The following ADCY8 variants were observed in gnomAD, a reference collection of about 807,000 sequenced individuals.
ADCY8 encodes the protein adenylate cyclase 8.
A neutral mutation model predicts 119.7 loss-of-function variants in ADCY8; 51 were observed. The observed-to-expected ratio is 0.43, with a 90% CI of 0.34 to 0.54. The LOEUF is 0.54. Ranked by LOEUF, ADCY8 falls within the 20% of genes least tolerant of loss-of-function variation. The pLI is 0.03. For synonymous variants in ADCY8, 665 were observed against 651.0 expected (o/e 1.02, Z -0.33); for missense variants, 1,383 against 1,598.8 (o/e 0.87, Z 2.30).
In ADCY8 at chr8:131,025,943, A is replaced by G. The variant is rs961076344; in HGVS notation, c.960+13431T>C. The stretch of plus-strand genomic sequence containing the variant: ...TTGATGGATGACTGTCTATAACTCT[A>G]GATTATAATCTCTTTAATAGCAGGA... On this transcript the variant is annotated intron_variant, in intron 1 of 17. Transcript: ENST00000286355. 4.6e-5 allele frequency among the ~76,000 whole-genome samples: 7 copies of G among 152,194 alleles called. No homozygotes were observed. In the East Asian group the frequency reaches 1.3e-3, roughly 29 times the overall value.
At chr8:130,839,079 G>A (rs1328468711) in intron 11 of ADCY8, among the ~76,000 whole-genome samples, 2 of 139,622 alleles carry the variant, frequency 1.4e-5, no homozygotes, top group Non-Finnish European at 3.2e-5. Context: ...GGAACAAGGT[G>A]TCAGGAGGAT....
At chr8:130,922,485 G>C (rs1183540806) in intron 5 of ADCY8, among the ~76,000 whole-genome samples, 1 of 152,100 alleles carries the variant, frequency 6.6e-6, no homozygotes, top group Admixed American at 6.6e-5. Flanking sequence ...GTTTAACCCT[G>C]AGTGGACACA....
chr8:130,827,890 A>T (rs1816715078), intron 12 of ADCY8, among the ~76,000 whole-genome samples: 1 of 152,212 alleles, frequency 6.6e-6, no homozygotes, highest in Non-Finnish European at 1.5e-5. Context: ...AGTTAAAAAT[A>T]TGGTTAGTGT....
intron 1 of ADCY8, among the ~76,000 whole-genome samples, chr8:131,005,922 T>C (rs183422990): frequency 1.3e-5 from 2 of 152,258 alleles, no homozygotes; most frequent in East Asian, 3.9e-4. Flanking sequence ...TTTTGAATGT[T>C]TCCTGCTGGA....
At chr8:130,881,064 T>C (rs2130447308) in intron 8 of ADCY8, among the ~76,000 whole-genome samples, 1 of 152,236 alleles carries the variant, frequency 6.6e-6, no homozygotes, top group South Asian at 2.1e-4. Flanking sequence ...TGAAATTCCA[T>C]GGCAGGGAGT....
rs766423071 is a variant in ADCY8 at position 130,951,924 on chromosome 8, A to G, written c.1185T>C (p.Asp395=). The change falls in exon 3 of 18, where the codon GAT becomes GAC. Residue 395 remains aspartate (D), a synonymous_variant. Coordinates refer to ENST00000286355, the MANE Select transcript of ADCY8 (RefSeq NM_001115.3). ...EMINDMTNVE[D]EHLQHQFHRI... ...GATGGAACTGGTGCTGCAGGTGCTC[A>G]TCTTCCACATTGGTCATGTCGTTGA... 3 of 1,614,184 alleles carry G rather than the reference A, an allele frequency of 1.9e-6. No homozygotes were observed. The highest frequency in any genetic ancestry group is 2.2e-5 in the East Asian group (1 of 44,878).
chr8:130,908,707 T>C (rs1017338991), intron 6 of ADCY8, among the ~76,000 whole-genome samples: 3 of 152,148 alleles, frequency 2.0e-5, no homozygotes, highest in African/African-American at 7.2e-5. Context: ...AGCACTGGCC[T>C]GAGATCACAC....
At chr8:130,865,764 C>A (rs1462743779) in intron 9 of ADCY8, among the ~76,000 whole-genome samples, 2 of 152,028 alleles carry the variant, frequency 1.3e-5, no homozygotes, top group African/African-American at 4.8e-5. Flanking sequence ...CCACTTTAAC[C>A]TGTATAGCCC....
At chr8:130,912,979 G>T (rs1181336954) in intron 5 of ADCY8, among the ~76,000 whole-genome samples, 2 of 152,176 alleles carry the variant, frequency 1.3e-5, no homozygotes. Context: ...GGAGTCATTT[G>T]TGCTATCCAC....
Position 130,814,140 on chromosome 8 carries a change from C to T in ADCY8, c.2842G>A (p.Glu948Lys). The stretch of plus-strand genomic sequence containing the variant: ...GGTAAGATATTCCGGAGCATGTTCT[C>T]ATTGTGTTCCCTCAGCTCCTTCATC... ...NEMKELREHNENMLRNILPSH... is the reference protein window; with the variant it reads ...NEMKELREHNKNMLRNILPSH... Residue 948 changes from glutamate (E) to lysine (K), a missense_variant, in exon 14 of 18, where the codon GAG becomes AAG. Physicochemically the swap from Glu to Lys is moderately conservative, Grantham distance 56 (BLOSUM62 1). This residue lies in a region of ADCY8 where 928 missense variants were observed against 1,163.5 expected (regional missense o/e 0.80). Transcript: ENST00000286355. 6.2e-7 allele frequency: 1 copy of T among 1,614,140 alleles called. No homozygotes were observed. Among genetic ancestry groups the T allele is most frequent in the Non-Finnish European group, 8.5e-7 (1 of 1,180,032 alleles).
rs1299896083 is a variant in ADCY8 at position 131,039,931 on chromosome 8, C to A, written c.403G>T (p.Ala135Ser). The A allele has an allele frequency of 3.7e-6, 6 of 1,607,202 alleles. No individual in the cohort carries two copies. The Admixed American group carries it at 1.0e-4, about 27-fold the overall frequency. ...GDLGFLHLDCAPSNSDFFLNG... is the reference protein window; with the variant it reads ...GDLGFLHLDCSPSNSDFFLNG... ...AGAAAGAAATCCGAGTTGCTAGGGG[C>A]ACAGTCAAGGTGCAGGAAGCCCAGG... is the stretch of plus-strand genomic sequence containing the variant. The change falls in exon 1 of 18, where the codon GCC becomes TCC. Residue 135 changes from alanine (A) to serine (S), a missense_variant. This residue lies in a region of ADCY8 where 455 missense variants were observed against 435.3 expected (regional missense o/e 1.05). Coordinates refer to ENST00000286355, the MANE Select transcript of ADCY8 (RefSeq NM_001115.3).
chr8:130,856,385 G>A (rs1817733117), intron 9 of ADCY8, among the ~76,000 whole-genome samples: 1 of 152,040 alleles, frequency 6.6e-6, no homozygotes. Context: ...TGCCAGGAAT[G>A]TTAACACCTT....
chr8:130,862,504 C>T (rs920029697), intron 9 of ADCY8, among the ~76,000 whole-genome samples: 2 of 152,148 alleles, frequency 1.3e-5, no homozygotes, highest in African/African-American at 4.8e-5. Context: ...GCTCCGCCTC[C>T]CAGGTTCACG....
At chr8:130,828,912 C>A (rs1473598607) in intron 12 of ADCY8, among the ~76,000 whole-genome samples, 1 of 152,162 alleles carries the variant, frequency 6.6e-6, no homozygotes, top group Non-Finnish European at 1.5e-5. Flanking sequence ...CTCAAACCAG[C>A]ACACTTCCTT....
intron 8 of ADCY8, among the ~76,000 whole-genome samples, chr8:130,880,940 A>G (rs1264225286): frequency 6.6e-6 from 1 of 152,222 alleles, no homozygotes; most frequent in Non-Finnish European, 1.5e-5. Flanking sequence ...CAGATAAAGA[A>G]TCCAAGGACT....
chr8:130,915,527 G>C (rs1359865248), intron 5 of ADCY8, among the ~76,000 whole-genome samples: 1 of 152,132 alleles, frequency 6.6e-6, no homozygotes, highest in Non-Finnish European at 1.5e-5. Context: ...TACTGCTTGT[G>C]GATGTCAGGC....
intron 1 of ADCY8, among the ~76,000 whole-genome samples, chr8:131,001,104 T>C (rs963891127): frequency 5.3e-5 from 8 of 152,100 alleles, no homozygotes; most frequent in Non-Finnish European, 1.0e-4. Flanking sequence ...AATATCTCTA[T>C]CTTTAAATGG....
chr8:130,805,187 A>G (rs1815907561), intron 14 of ADCY8, among the ~76,000 whole-genome samples: 2 of 152,350 alleles, frequency 1.3e-5, no homozygotes, highest in South Asian at 2.1e-4. Flanking sequence ...AAGATTGCAC[A>G]TACATCATCT....
chr8:130,794,818 T>C (rs75297077), intron 15 of ADCY8, among the ~76,000 whole-genome samples: 1,827 of 152,362 alleles, frequency 0.012, 39 homozygotes, highest in African/African-American at 0.042. Context: ...GTATCTCATT[T>C]TGTAGATGGG....
Sources: allele counts gnomAD v4.1 joint callset (sites outside exome capture counted in the v4.1 genomes callset), GRCh38; gene constraint gnomAD v4.1.1; regional missense constraint gnomAD v4.1.1; transcripts MANE v1.5; gene names NCBI Gene and HGNC (gene_info 2026-07-23, HGNC 2026-07-21).